The following PXDNL variants were observed in gnomAD, a reference collection of about 807,000 sequenced individuals.
PXDNL encodes the protein probable oxidoreductase PXDNL.
A neutral mutation model predicts 150.8 loss-of-function variants in PXDNL; 145 were observed. The observed-to-expected ratio is 0.96, with a 90% CI of 0.84 to 1.10. The LOEUF (loss-of-function observed/expected upper bound fraction) is 1.10, where lower values mean the gene tolerates loss of function less well. Ranked by LOEUF, PXDNL falls within the 50% of genes least tolerant of loss-of-function variation. The pLI is 0.00. For missense variants in PXDNL, 2,087 were observed against 1,873.9 expected (o/e 1.11, Z -2.10); for synonymous variants, 757 against 725.7 (o/e 1.04, Z -0.69).
chr8:51,457,254 G>T (rs1181526803), intron 9 of PXDNL, among the ~76,000 whole-genome samples: 1 of 152,210 alleles, frequency 6.6e-6, no homozygotes, highest in Non-Finnish European at 1.5e-5. Flanking sequence ...TGGATAGCTG[G>T]ATGGGGAATC....
At chr8:51,751,657 T>C (rs2037046553) in intron 1 of PXDNL, among the ~76,000 whole-genome samples, 1 of 152,256 alleles carries the variant, frequency 6.6e-6, no homozygotes, top group Admixed American at 6.5e-5. Flanking sequence ...CATCTGATCA[T>C]GCCCAGATTC....
In PXDNL at chr8:51,644,405, C is replaced by CATATGTGTATATATACAT. The variant is rs10685147; in HGVS notation, c.236+10283_236+10284insATGTATATATACACATAT. 4.8e-5 allele frequency among the ~76,000 whole-genome samples: 4 copies of CATATGTGTATATATACAT among 82,714 alleles called. 1 individual carries two copies. Among genetic ancestry groups the CATATGTGTATATATACAT allele is most frequent in the Non-Finnish European group, 1.0e-4 (4 of 38,662 alleles). The allele number at this position is 82,714 out of a possible 152,430, so 54.3% of individuals were successfully genotyped here. A position where few individuals can be genotyped will look rare whatever the true frequency, so the allele number is the denominator to read the frequency against. On this transcript the variant is annotated intron_variant, in intron 2 of 22. Transcript: ENST00000356297. ...ACACACATATGTGTATATATATACA[C>CATATGTGTATATATACAT]ATGTGTGTGTATATATATACACATA...
At chr8:51,417,224 A>T (rs1808822970) in intron 14 of PXDNL, among the ~76,000 whole-genome samples, 2 of 152,230 alleles carry the variant, frequency 1.3e-5, no homozygotes, top group African/African-American at 4.8e-5. Flanking sequence ...GAGTAGAGGG[A>T]CAACTAGATC....
At chr8:51,357,322 G>A (rs534022686) in intron 19 of PXDNL, among the ~76,000 whole-genome samples, 3 of 152,300 alleles carry the variant, frequency 2.0e-5, no homozygotes, top group East Asian at 3.9e-4. Flanking sequence ...CAGAACTCCT[G>A]GACTGCCTCG....
intron 4 of PXDNL, among the ~76,000 whole-genome samples, chr8:51,539,937 C>A (rs965386288): frequency 7.0e-6 from 1 of 142,804 alleles, no homozygotes; most frequent in African/African-American, 2.6e-5. Flanking sequence ...TTATCTACTA[C>A]CTTTTTTTTT....
At chr8:51,475,873 A>G (rs985084960) in intron 6 of PXDNL, among the ~76,000 whole-genome samples, 3 of 152,024 alleles carry the variant, frequency 2.0e-5, no homozygotes, top group Non-Finnish European at 2.9e-5. Context: ...GTGAGAACAT[A>G]TGGTGTTTGG....
At chr8:51,445,958 T>C (rs938233343) in intron 12 of PXDNL, among the ~76,000 whole-genome samples, 15 of 151,984 alleles carry the variant, frequency 9.9e-5, no homozygotes, top group Admixed American at 3.9e-4. Flanking sequence ...ACAATCCTTT[T>C]TCCCCCCCGT....
intron 1 of PXDNL, among the ~76,000 whole-genome samples, chr8:51,673,809 A>T (rs1815551477): frequency 6.6e-6 from 1 of 152,256 alleles, no homozygotes; most frequent in Non-Finnish European, 1.5e-5. Flanking sequence ...GAAAAACATC[A>T]GGCCTTCAGC....
chr8:51,477,310 T>C (rs1305582289), intron 6 of PXDNL, among the ~76,000 whole-genome samples: 2 of 152,240 alleles, frequency 1.3e-5, no homozygotes, highest in Admixed American at 6.5e-5. Flanking sequence ...AAAAGTTAGT[T>C]AACCATACAC....
intron 12 of PXDNL, chr8:51,435,814 T>C (rs1809390105): frequency 4.7e-6 from 2 of 429,366 alleles, no homozygotes; most frequent in Non-Finnish European, 9.3e-6. Flanking sequence ...GAGGAATAAA[T>C]AAATTTCAGA....
At chr8:51,619,433 G>A (rs1164020754) in intron 2 of PXDNL, among the ~76,000 whole-genome samples, 1 of 152,160 alleles carries the variant, frequency 6.6e-6, no homozygotes, top group Non-Finnish European at 1.5e-5. Flanking sequence ...GCCTTGCCAG[G>A]TAATATGATT....
chr8:51,340,044 A>G (rs1323523711), intron 20 of PXDNL: 1 of 200,996 alleles, frequency 5.0e-6, no homozygotes, highest in East Asian at 1.3e-4. Flanking sequence ...TATATTTGAT[A>G]TATTATTTAG....
chr8:51,343,662 G>A (rs1305041672), intron 20 of PXDNL, among the ~76,000 whole-genome samples: 1 of 152,156 alleles, frequency 6.6e-6, no homozygotes, highest in Non-Finnish European at 1.5e-5. Flanking sequence ...AGGACAGAAG[G>A]TAGTAATGGG....
chr8:51,387,173 C>A (rs1248456115), intron 17 of PXDNL, among the ~76,000 whole-genome samples: 2 of 152,214 alleles, frequency 1.3e-5, no homozygotes, highest in Non-Finnish European at 2.9e-5. Flanking sequence ...TTACCACCCA[C>A]TCTTACAATT....
chr8:51,407,589 A>G (rs1376520397), intron 17 of PXDNL, among the ~76,000 whole-genome samples: 1 of 152,246 alleles, frequency 6.6e-6, no homozygotes, highest in Non-Finnish European at 1.5e-5. Context: ...AAAGACATTA[A>G]GGATGCAGTG....
intron 17 of PXDNL, among the ~76,000 whole-genome samples, chr8:51,402,213 G>A (rs542789366): frequency 1.3e-5 from 2 of 152,308 alleles, no homozygotes; most frequent in East Asian, 3.9e-4. Context: ...CTTAATTGGT[G>A]AAATATGAGC....
At chr8:51,387,360 G>T (rs1807749630) in intron 17 of PXDNL, among the ~76,000 whole-genome samples, 1 of 152,164 alleles carries the variant, frequency 6.6e-6, no homozygotes, top group Non-Finnish European at 1.5e-5. Context: ...ATGCTCCAGT[G>T]AGGGGCTATA....
intron 17 of PXDNL, among the ~76,000 whole-genome samples, chr8:51,393,927 T>C (rs1258541031): frequency 6.6e-6 from 1 of 152,234 alleles, no homozygotes; most frequent in African/African-American, 2.4e-5. Context: ...AAATCTGTCT[T>C]TTTTTAAGGC....
chr8:51,725,199 A>G (rs1000045573), intron 1 of PXDNL, among the ~76,000 whole-genome samples: 5 of 152,168 alleles, frequency 3.3e-5, no homozygotes, highest in African/African-American at 1.2e-4. Context: ...AAAGTATCAG[A>G]TCTTCCATAA....
Sources: allele counts gnomAD v4.1 joint callset (sites outside exome capture counted in the v4.1 genomes callset), GRCh38; gene constraint gnomAD v4.1.1; transcripts MANE v1.5; gene names NCBI Gene and HGNC (gene_info 2026-07-23, HGNC 2026-07-21).